DCAKD: variants seen among roughly 807,000 people sequenced by gnomAD.
DCAKD encodes dephospho-CoA kinase domain containing, also known as dephospho-CoA kinase domain-containing protein.
DCAKD carries 15 observed loss-of-function variants against 18.7 expected under a neutral mutation model. That is an observed-to-expected ratio of 0.80 (90% CI 0.54 to 1.24). The LOEUF is 1.24. Among genes scored for constraint, DCAKD ranks in the 50% most tolerant of loss-of-function variants. The pLI, the probability that DCAKD is intolerant of heterozygous loss-of-function variation, is 0.00. For synonymous variants in DCAKD, 130 were observed against 133.0 expected, an observed-to-expected ratio of 0.98 and a Z score of 0.16; for missense variants, 301 against 322.0, an observed-to-expected ratio of 0.93 and a Z score of 0.50.
At position 45,057,847 on chromosome 17, in the gene DCAKD, C is replaced by A. The variant is rs1300725779; in HGVS notation, c.-118+3041G>T. On this transcript the variant is annotated intron_variant, in intron 1 of 4. Transcript: ENST00000310604. ...CCAACGTGGTGAAACCCTGTCTCTA[C>A]TAAAAGTACAAAAATTAGCTGGGCG... Among the ~76,000 whole-genome samples the A allele has an allele frequency of 4.0e-5, 6 of 150,954 alleles. 1 individual carries two copies. Among genetic ancestry groups the A allele is most frequent in the Non-Finnish European group, 7.4e-5 (5 of 67,840 alleles).
At chr17:45,031,432 G>A (rs1006722833) in intron 3 of DCAKD, 18 of 954,208 alleles carry the variant, frequency 1.9e-5, no homozygotes, top group Non-Finnish European at 2.2e-5. Context: ...GTGTAAATGA[G>A]TAAAAAGAAT....
At chr17:45,040,068 T>C (rs2053394460) in intron 1 of DCAKD, among the ~76,000 whole-genome samples, 1 of 149,830 alleles carries the variant, frequency 6.7e-6, no homozygotes, top group Non-Finnish European at 1.5e-5. Context: ...GGACTCCAGC[T>C]TGGGCAACAA....
At chr17:45,033,902 T>G in intron 3 of DCAKD, 1 of 1,395,598 alleles carries the variant, frequency 7.2e-7, no homozygotes. Context: ...CCAGCTCTTA[T>G]TACTCCCATC....
At chr17:45,041,397 G>A (rs1243154059) in intron 1 of DCAKD, among the ~76,000 whole-genome samples, 2 of 150,252 alleles carry the variant, frequency 1.3e-5, no homozygotes, top group East Asian at 2.0e-4. Context: ...CTGCAACTCC[G>A]CCTCCCGGGT....
intron 1 of DCAKD, among the ~76,000 whole-genome samples, chr17:45,044,282 C>T (rs935677255): frequency 6.6e-6 from 1 of 152,090 alleles, no homozygotes; most frequent in Non-Finnish European, 1.5e-5. Flanking sequence ...GGCTCTTCCC[C>T]AGAGGGCTGC....
At chr17:45,049,868 C>T (rs1350936761) in intron 1 of DCAKD, among the ~76,000 whole-genome samples, 2 of 151,138 alleles carry the variant, frequency 1.3e-5, no homozygotes, top group Admixed American at 6.6e-5. Context: ...TGCAGGCACC[C>T]GCCACCACAC....
intron 1 of DCAKD, among the ~76,000 whole-genome samples, chr17:45,041,546 G>A (rs914760134): frequency 2.0e-5 from 3 of 151,792 alleles, no homozygotes; most frequent in South Asian, 2.1e-4. Flanking sequence ...TCCTGACCTC[G>A]TGATCTGCCT....
chr17:45,050,710 T>C (rs189575412), intron 1 of DCAKD, among the ~76,000 whole-genome samples: 18 of 152,010 alleles, frequency 1.2e-4, no homozygotes, highest in African/African-American at 4.4e-4. Context: ...GTTTAAGACA[T>C]AAAACATATT....
chr17:45,053,185 A>AAT, upstream of DCAKD, among the ~76,000 whole-genome samples: 1 of 147,422 alleles, frequency 6.8e-6, no homozygotes, highest in African/African-American at 2.5e-5. Context: ...AAAAAAAAAA[A>AAT]AAAAAAAAAA....
At chr17:45,035,454 CG>C (rs10714830) in intron 1 of DCAKD, among the ~76,000 whole-genome samples, 81,274 of 144,580 alleles carry the variant, frequency 0.56, 23,066 homozygotes, top group African/African-American at 0.61. Flanking sequence ...GCACTGCAGC[CG>C]TGGGTGACAG....
chr17:45,038,143 C>A (rs540148738), intron 1 of DCAKD, among the ~76,000 whole-genome samples: 2 of 152,162 alleles, frequency 1.3e-5, no homozygotes, highest in South Asian at 4.2e-4. Context: ...GCGGTGCAAT[C>A]TGGGCCCACT....
intron 1 of DCAKD, among the ~76,000 whole-genome samples, chr17:45,058,660 G>A (rs1419569057): frequency 1.0e-4 from 15 of 150,560 alleles, no homozygotes; most frequent in Admixed American, 7.3e-4. Flanking sequence ...GACCTCAGGT[G>A]ATCCACCCAC....
rs2053016139 is a variant in DCAKD, at chr17:45,024,613, G to A, written c.516C>T (p.Ala172=). ...CGCCCGAGTTGTCTAGGACATGGCGGGCCATGCGGGCCTTGTCTGTCAGGG... is the reference window on the plus strand; with the variant it reads ...CGCCCGAGTTGTCTAGGACATGGCGAGCCATGCGGGCCTTGTCTGTCAGGG... The part of the protein sequence containing the change: ...QLPLTDKARM[A]RHVLDNSGEW... Residue 172 remains alanine (A), a synonymous_variant, in exon 5 of 5, where the codon GCC becomes GCT. Transcript: ENST00000651974. 1 of 1,613,914 alleles carries A rather than the reference G, an allele frequency of 6.2e-7. No individual in the cohort carries two copies. Among genetic ancestry groups the A allele is most frequent in the South Asian group, 1.1e-5 (1 of 91,080 alleles).
At chr17:45,048,333 C>T (rs914894389) in intron 1 of DCAKD, among the ~76,000 whole-genome samples, 8 of 152,078 alleles carry the variant, frequency 5.3e-5, no homozygotes, top group Admixed American at 3.3e-4. Context: ...ATGGCAAAAG[C>T]CCATCTCTAC....
chr17:45,043,340 C>T (rs779039559), intron 1 of DCAKD, among the ~76,000 whole-genome samples: 2 of 152,056 alleles, frequency 1.3e-5, no homozygotes, highest in Non-Finnish European at 2.9e-5. Context: ...ACAGTCACCT[C>T]ATCTTCCCCA....
At chr17:45,034,730 G>A in intron 2 of DCAKD, 44 bp downstream of exon 2, 1 of 1,594,148 alleles carries the variant, frequency 6.3e-7, no homozygotes. Context: ...CGGAAGCGTG[G>A]GGAGCTGCTG....
upstream of DCAKD, chr17:45,051,720 TGGGTGGGCGGGCGGGGCCGGG>T (rs2053703717): frequency 1.3e-5 from 1 of 76,544 alleles, no homozygotes; most frequent in African/African-American, 5.0e-5. Flanking sequence ...CGGGAGAGGT[TGGGTGGGCGGGCGGGGCCGGG>T]AGAGGTTGGG....
chr17:45,052,278 C>CA (rs1366913234), upstream of DCAKD, among the ~76,000 whole-genome samples: 3 of 152,182 alleles, frequency 2.0e-5, no homozygotes, highest in Admixed American at 6.5e-5. Context: ...AAAGCTCGGC[C>CA]ACTCGCTACT....
intron 1 of DCAKD, among the ~76,000 whole-genome samples, chr17:45,036,986 A>G (rs1021597432): frequency 6.6e-6 from 1 of 152,156 alleles, no homozygotes; most frequent in African/African-American, 2.4e-5. Flanking sequence ...ACCAAATGAC[A>G]GGGGAGGCAG....
Sources: gnomAD v4.1 joint callset for allele counts (sites outside exome capture counted in the v4.1 genomes callset) on GRCh38, gnomAD v4.1.1 for gene constraint, MANE v1.5 for transcripts, NCBI Gene and HGNC (gene_info 2026-07-23, HGNC 2026-07-21) for gene names.